Variants in DAAM2 observed in about 807,000 individuals in gnomAD.
DAAM2 encodes the protein dishevelled associated activator of morphogenesis 2.
In DAAM2, 39 loss-of-function variants were observed where a neutral mutation model predicts 120.7. The ratio of observed to expected loss-of-function variants is 0.32; its 90% CI spans 0.25 to 0.42. The LOEUF is 0.42. Among genes scored for constraint, DAAM2 ranks in the 10% least tolerant of loss-of-function variants. DAAM2 has a pLI of 1.00. For missense variants in DAAM2, 1,283 were observed against 1,401.7 expected, an observed-to-expected ratio of 0.92 and a Z score of 1.35; for synonymous variants, 488 against 524.9, an observed-to-expected ratio of 0.93 and a Z score of 0.96.
intron 14 of DAAM2, chr6:39,879,811 GA>G: frequency 2.3e-6 from 1 of 440,426 alleles, no homozygotes; most frequent in Non-Finnish European, 4.2e-6. Flanking sequence ...GGAAAGGATG[GA>G]AAAATAAGCA....
chr6:39,864,455 T>C lies in DAAM2; in HGVS notation c.281T>C (p.Leu94Pro), dbSNP rs1278661396. ...CAGGAGCAGGAGGACCCCAACAAGC[T>C]GGCAACCAGCTGGCCTGACTATTAC... ...KKKEQEDPNK[L>P]ATSWPDYYID... Residue 94 changes from leucine (L) to proline (P), a missense_variant, in exon 4 of 25, where the codon CTG becomes CCG. Around this residue, in one of 3 missense-constraint regions of DAAM2, gnomAD observed 197 missense variants for 189.3 expected, o/e 1.04. Coordinates refer to ENST00000274867, the MANE Select transcript of DAAM2 (RefSeq NM_001201427.2). 5.6e-6 allele frequency: 9 copies of C among 1,612,894 alleles called. No homozygotes were observed. The highest frequency in any genetic ancestry group is 8.5e-7 in the Non-Finnish European group (1 of 1,179,784).
At chr6:39,874,019 A>T (rs1017373755) in intron 10 of DAAM2, among the ~76,000 whole-genome samples, 13 of 152,194 alleles carry the variant, frequency 8.5e-5, no homozygotes, top group Admixed American at 7.8e-4. Flanking sequence ...GGCCCACCAT[A>T]ATGGTTGATG....
At chr6:39,829,540 C>A (rs1046239146) in intron 1 of DAAM2, among the ~76,000 whole-genome samples, 1 of 152,106 alleles carries the variant, frequency 6.6e-6, no homozygotes, top group East Asian at 1.9e-4. Flanking sequence ...GAGTTTATAG[C>A]CTGTGAGGGT....
At chr6:39,830,681 C>A (rs560627729) in intron 1 of DAAM2, among the ~76,000 whole-genome samples, 88 of 152,168 alleles carry the variant, frequency 5.8e-4, no homozygotes, top group Non-Finnish European at 1.1e-3. Context: ...AGGTTCCCAC[C>A]ACTCTGCTCC....
chr6:39,892,599 G>A (rs1461825453), intron 19 of DAAM2, among the ~76,000 whole-genome samples: 1 of 152,142 alleles, frequency 6.6e-6, no homozygotes, highest in Non-Finnish European at 1.5e-5. Context: ...AGCAGGAGAG[G>A]CTGGGAGGCT....
chr6:39,796,660 A>C (rs1290493297), intron 1 of DAAM2, among the ~76,000 whole-genome samples: 2 of 148,344 alleles, frequency 1.3e-5, no homozygotes, highest in Admixed American at 6.8e-5. Context: ...AAAAAAATGA[A>C]CTTTAGGCAG....
chr6:39,805,442 C>T (rs934597847), intron 1 of DAAM2, among the ~76,000 whole-genome samples: 5 of 152,066 alleles, frequency 3.3e-5, no homozygotes, highest in African/African-American at 1.2e-4. Flanking sequence ...AGTTTTCTTT[C>T]CATTGGAATG....
At chr6:39,893,632 T>G (rs1388969720) in intron 19 of DAAM2, among the ~76,000 whole-genome samples, 1 of 152,228 alleles carries the variant, frequency 6.6e-6, no homozygotes, top group African/African-American at 2.4e-5. Flanking sequence ...TGGGGAAAGC[T>G]ACTCTTCTAT....
intron 1 of DAAM2, among the ~76,000 whole-genome samples, chr6:39,828,299 G>C (rs1332190855): frequency 6.6e-6 from 1 of 152,190 alleles, no homozygotes; most frequent in Non-Finnish European, 1.5e-5. Flanking sequence ...TCTGGTGAGG[G>C]CTGCCCTCTG....
intron 1 of DAAM2, chr6:39,848,763 C>G (rs1763693409): frequency 6.6e-6 from 1 of 152,240 alleles, no homozygotes; most frequent in Admixed American, 6.5e-5. Context: ...CTCCTTGTCT[C>G]TCCCCCAGCC....
chr6:39,838,891 G>T (rs9471183), intron 1 of DAAM2, among the ~76,000 whole-genome samples: 23,427 of 151,770 alleles, frequency 0.15, 3,612 homozygotes, highest in African/African-American at 0.38. Context: ...ACTCCTGACC[G>T]CAAGTGACCC....
intron 2 of DAAM2, among the ~76,000 whole-genome samples, chr6:39,860,195 T>G (rs1764155511): frequency 6.6e-6 from 1 of 152,146 alleles, no homozygotes; most frequent in African/African-American, 2.4e-5. Context: ...AAATATGACC[T>G]CATAAAGTTC....
rs185350177 is a variant in DAAM2 at position 39,827,357 on chromosome 6, A to G, written c.-56-28890A>G. Among the ~76,000 whole-genome samples the G allele has an allele frequency of 4.6e-5, 7 of 152,306 alleles. No individual in the cohort carries two copies. In the East Asian group the frequency reaches 1.4e-3, roughly 29 times the overall value. Reference sequence around the variant, plus strand: ...CTGTATGAGGGGCGTCCTGCAGATCATGTCGGAGAAAGGAGGAGTTGAGTC... The same window carrying G: ...CTGTATGAGGGGCGTCCTGCAGATCGTGTCGGAGAAAGGAGGAGTTGAGTC... On this transcript the variant is annotated intron_variant, in intron 1 of 24. Coordinates refer to ENST00000274867, the MANE Select transcript of DAAM2 (RefSeq NM_001201427.2).
In DAAM2 at chr6:39,878,244, C is replaced by A; in HGVS notation, c.1343C>A (p.Ala448Glu). 2 of 1,614,014 alleles carry A rather than the reference C, an allele frequency of 1.2e-6. No individual in the cohort carries two copies. Among genetic ancestry groups the A allele is most frequent in the Non-Finnish European group, 1.7e-6 (2 of 1,179,892 alleles). The change falls in exon 12 of 25, where the codon GCA (alanine) becomes GAA (glutamate). Residue 448 changes from alanine (A) to glutamate (E), a missense_variant. Around this residue, in one of 3 missense-constraint regions of DAAM2, gnomAD observed 338 missense variants for 443.9 expected, o/e 0.76. Transcript: ENST00000274867. The surrounding 1 kb of genome is among the most constrained non-coding windows in gnomAD (Gnocchi z 5.0). ...ENEVKQWRDQ[A>E]EKFRKEHMEL... Reference sequence around the variant, plus strand: ...GAAGTGAAACAGTGGCGAGACCAGGCAGAGAAGTTCCGGAAAGGTGAGGGG... The same window carrying A: ...GAAGTGAAACAGTGGCGAGACCAGGAAGAGAAGTTCCGGAAAGGTGAGGGG...
At chr6:39,806,873 C>T (rs1018582287) in intron 1 of DAAM2, among the ~76,000 whole-genome samples, 24 of 148,154 alleles carry the variant, frequency 1.6e-4, no homozygotes, top group Non-Finnish European at 3.3e-4. Flanking sequence ...AAAAATCATG[C>T]TCATCATACT....
At chr6:39,891,504 G>A in intron 18 of DAAM2, 57 bp downstream of exon 18, 1 of 1,532,422 alleles carries the variant, frequency 6.5e-7, no homozygotes, top group East Asian at 2.4e-5. Flanking sequence ...AGGTGGGGCA[G>A]GTGGGGCTCT....
chr6:39,890,702 G>A (rs1236175969), intron 17 of DAAM2, among the ~76,000 whole-genome samples: 1 of 152,192 alleles, frequency 6.6e-6, no homozygotes, highest in Non-Finnish European at 1.5e-5. Flanking sequence ...TCACTGAACT[G>A]CACATTTAAA....
intron 1 of DAAM2, among the ~76,000 whole-genome samples, chr6:39,844,209 T>A (rs1006011532): frequency 2.0e-5 from 3 of 152,154 alleles, no homozygotes; most frequent in Non-Finnish European, 4.4e-5. Context: ...CATGGAATAG[T>A]TTGGAATATA....
At chr6:39,873,967 A>T (rs1186691072) in intron 10 of DAAM2, among the ~76,000 whole-genome samples, 1 of 152,228 alleles carries the variant, frequency 6.6e-6, no homozygotes, top group East Asian at 1.9e-4. Flanking sequence ...ACCCCTTGGT[A>T]CTTAAGCTCT....
Sources: allele counts gnomAD v4.1 joint callset (sites outside exome capture counted in the v4.1 genomes callset), GRCh38; gene constraint gnomAD v4.1.1; regional missense constraint gnomAD v4.1.1; non-coding constraint Gnocchi (gnomAD v3.1); transcripts MANE v1.5; gene names NCBI Gene and HGNC (gene_info 2026-07-23, HGNC 2026-07-21).